Variants in PCDHA4 observed in about 807,000 individuals in gnomAD.
PCDHA4 encodes protocadherin alpha 4, also known as protocadherin alpha-4.
PCDHA4 carries 49 observed loss-of-function variants against 61.4 expected under a neutral mutation model. That is an observed-to-expected ratio of 0.80 (90% confidence interval 0.63 to 1.01). The LOEUF is 1.01. Ranked by LOEUF, PCDHA4 falls within the 50% of genes least tolerant of loss-of-function variation. The pLI, the probability that PCDHA4 is intolerant of heterozygous loss-of-function variation, is 0.00. For missense variants in PCDHA4, 1,254 were observed against 1,235.8 expected (o/e 1.01, Z -0.22); for synonymous variants, 590 against 550.3 (o/e 1.07, Z -1.01).
At chr5:140,887,461 T>C (rs2061460929) in intron 1 of PCDHA4, among the ~76,000 whole-genome samples, 1 of 152,226 alleles carries the variant, frequency 6.6e-6, no homozygotes, top group African/African-American at 2.4e-5. Flanking sequence ...TTTTAAAAGA[T>C]ATAATTCAGT....
chr5:140,984,641 C>T (rs2153834832), intron 3 of PCDHA4, among the ~76,000 whole-genome samples: 1 of 152,276 alleles, frequency 6.6e-6, no homozygotes, highest in South Asian at 2.1e-4. Context: ...TCTCTGCCTT[C>T]TCCCTGTCCT....
intron 1 of PCDHA4, chr5:140,848,572 T>C: frequency 3.1e-6 from 5 of 1,595,304 alleles, no homozygotes; most frequent in African/African-American, 1.3e-5. Context: ...ATGTGGGTGG[T>C]GGGGAGCGGC....
At position 140,993,463 on chromosome 5, in the gene PCDHA4, CA is replaced by C. The variant is rs1563591979; in HGVS notation, c.2533+10901del. ...ATTCCTGTTCTCCTTCTTTCTTTCTCACACACACACACACACACACACACAC... is the reference window on the plus strand; with the variant it reads ...ATTCCTGTTCTCCTTCTTTCTTTCTCCACACACACACACACACACACACAC... On this transcript the variant is annotated intron_variant, in intron 3 of 3. Coordinates refer to ENST00000530339, the MANE Select transcript of PCDHA4 (RefSeq NM_018907.4). Among the ~76,000 whole-genome samples the C allele has an allele frequency of 9.6e-3, 73 of 7,582 alleles. 1 individual carries two copies. The highest frequency in any genetic ancestry group is 0.047 in the African/African-American group (71 of 1,514). 5.0% of individuals were successfully genotyped at this position (7,582 alleles called of 152,430 possible).
chr5:140,809,129 C>T lies in PCDHA4; in HGVS notation c.1942C>T (p.Leu648=), dbSNP rs868934525. Residue 648 remains leucine (L), a synonymous_variant, in exon 1 of 4, where the codon CTG becomes TTG. Coordinates refer to ENST00000530339, the MANE Select transcript of PCDHA4 (RefSeq NM_018907.4). Reference sequence around the variant, plus strand: ...AACGGACGCTCCGCGCCACCGCCTACTGGTACTGGTGAAGGACCACGGCGA... The same window carrying T: ...AACGGACGCTCCGCGCCACCGCCTATTGGTACTGGTGAAGGACCACGGCGA... The part of the protein sequence containing the change: ...DETDAPRHRL[L]VLVKDHGEPA... 6.2e-7 allele frequency: 1 copy of T among 1,614,034 alleles called. No homozygotes were observed. The highest frequency in any genetic ancestry group is 8.5e-7 in the Non-Finnish European group (1 of 1,179,938).
chr5:140,817,143 T>A (rs1554127220), intron 1 of PCDHA4: 1 of 152,238 alleles, frequency 6.6e-6, no homozygotes, highest in African/African-American at 2.4e-5. Flanking sequence ...ATATGCCAGG[T>A]TCCATCAGTG....
intron 1 of PCDHA4, chr5:140,843,148 T>C (rs2150353872): frequency 6.3e-7 from 1 of 1,596,056 alleles, no homozygotes; most frequent in South Asian, 1.1e-5. Flanking sequence ...GGCTTTCGTA[T>C]GAGCTGCAGC....
At chr5:140,896,827 T>G (rs1193967071) in intron 1 of PCDHA4, among the ~76,000 whole-genome samples, 1 of 152,214 alleles carries the variant, frequency 6.6e-6, no homozygotes, top group African/African-American at 2.4e-5. Flanking sequence ...TGTTCATAGT[T>G]GTTTTTATTT....
chr5:140,822,872 C>A (rs1370566710), intron 1 of PCDHA4: 2 of 1,614,236 alleles, frequency 1.2e-6, no homozygotes, highest in Non-Finnish European at 1.7e-6. Flanking sequence ...CCACTCAGCA[C>A]GGTCATTGCT....
In PCDHA4 at chr5:140,981,687, ATCATTCATTCAT is replaced by A. The variant is rs200213847; in HGVS notation, c.2445-771_2445-760del. Among the ~76,000 whole-genome samples the A allele has an allele frequency of 3.0e-3, 453 of 152,088 alleles. 7 individuals are homozygous for A. In the East Asian group the frequency reaches 0.044, roughly 15 times the overall value. Reference sequence around the variant, plus strand: ...CTTCCTTTCTTCCTTCCTCCCTTCCATCATTCATTCATTCATTCATTCATTCATCCAACAAAT... The same window carrying A: ...CTTCCTTTCTTCCTTCCTCCCTTCCATCATTCATTCATTCATCCAACAAAT... On this transcript the variant is annotated intron_variant, in intron 2 of 3. Transcript: ENST00000530339.
At position 140,933,976 on chromosome 5, in the gene PCDHA4, A is replaced by G. The variant is rs1359426492; in HGVS notation, c.2386-44973A>G. ...ATCTGTAGTGATGTTTCCCTTTTCA[A>G]TCCTGGTGTTAGTGTCACCTCTCAT... On this transcript the variant is annotated intron_variant, in intron 1 of 3. Coordinates refer to ENST00000530339, the MANE Select transcript of PCDHA4 (RefSeq NM_018907.4). Among the ~76,000 whole-genome samples, 3 of 151,666 alleles carry G rather than the reference A, an allele frequency of 2.0e-5. No homozygotes were observed. The East Asian group carries it at 5.8e-4, about 29-fold the overall frequency.
intron 1 of PCDHA4, chr5:140,836,038 A>T: frequency 1.2e-6 from 2 of 1,613,428 alleles, no homozygotes; most frequent in Non-Finnish European, 1.7e-6. Flanking sequence ...GTGACGCTGC[A>T]GGTGTTCGTG....
intron 1 of PCDHA4, among the ~76,000 whole-genome samples, chr5:140,873,125 A>G (rs1252639627): frequency 6.6e-6 from 1 of 152,208 alleles, no homozygotes. Context: ...CAATATTCAA[A>G]GAGTCTATGC....
At chr5:141,001,279 G>A (rs1317213469) in intron 3 of PCDHA4, among the ~76,000 whole-genome samples, 1 of 151,942 alleles carries the variant, frequency 6.6e-6, no homozygotes, top group African/African-American at 2.4e-5. Context: ...CTTTTTTTAC[G>A]GATGAAAACT....
intron 1 of PCDHA4, among the ~76,000 whole-genome samples, chr5:140,974,870 A>G (rs781837180): frequency 9.9e-5 from 15 of 152,182 alleles, no homozygotes; most frequent in African/African-American, 1.4e-4. Context: ...AATGCGGAAC[A>G]GTCTATGTAT....
chr5:140,823,337 C>T, intron 1 of PCDHA4: 2 of 1,612,260 alleles, frequency 1.2e-6, no homozygotes, highest in Non-Finnish European at 1.7e-6. Context: ...GCGCTGCAGC[C>T]GCTGGACCAC....
intron 1 of PCDHA4, chr5:140,929,822 A>G (rs1554207413): frequency 1.9e-5 from 3 of 157,286 alleles, no homozygotes; most frequent in African/African-American, 2.4e-5. Flanking sequence ...GAAAGGGAAC[A>G]TAAGAGAACA....
intron 1 of PCDHA4, chr5:140,876,741 G>C: frequency 6.2e-7 from 1 of 1,614,264 alleles, no homozygotes; most frequent in Non-Finnish European, 8.5e-7. Flanking sequence ...CCTATGAGCT[G>C]GTGGTGACTG....
chr5:140,916,053 G>T (rs1378949362), intron 1 of PCDHA4, among the ~76,000 whole-genome samples: 1 of 152,104 alleles, frequency 6.6e-6, no homozygotes, highest in African/African-American at 2.4e-5. Flanking sequence ...AGGCAGAGGT[G>T]CCTCTCCCTG....
intron 1 of PCDHA4, chr5:140,828,012 A>AT (rs1259696471): frequency 2.7e-6 from 4 of 1,508,934 alleles, no homozygotes; most frequent in Non-Finnish European, 3.6e-6. Context: ...GAAGAAATGG[A>AT]TTAATAAATT....
Sources: allele counts gnomAD v4.1 joint callset (sites outside exome capture counted in the v4.1 genomes callset), GRCh38; gene constraint gnomAD v4.1.1; transcripts MANE v1.5; gene names NCBI Gene and HGNC (gene_info 2026-07-23, HGNC 2026-07-21).